FABP6: variants seen among roughly 807,000 people sequenced by gnomAD.
FABP6 encodes fatty acid binding protein 6.
A neutral mutation model predicts 14.9 loss-of-function variants in FABP6; 13 were observed. The observed-to-expected ratio is 0.87, with a 90% confidence interval of 0.57 to 1.39. The LOEUF (loss-of-function observed/expected upper bound fraction) is 1.39, where lower values mean the gene tolerates loss of function less well. Ranked by LOEUF, FABP6 falls within the 40% of genes most tolerant of loss-of-function variation. FABP6 has a pLI of 0.00. For synonymous variants in FABP6, 75 were observed against 63.6 expected (o/e 1.18, Z -0.85); for missense variants, 161 against 167.2 (o/e 0.96, Z 0.20).
chr5:160,204,292 G>A (rs1175302650), intron 2 of FABP6, among the ~76,000 whole-genome samples: 1 of 151,490 alleles, frequency 6.6e-6, no homozygotes, highest in African/African-American at 2.4e-5. Context: ...ACTCCAGCCT[G>A]GGCAATAGAG....
chr5:160,193,812 T>C (rs1030737541), intron 1 of FABP6, among the ~76,000 whole-genome samples: 1 of 152,184 alleles, frequency 6.6e-6, no homozygotes, highest in African/African-American at 2.4e-5. Flanking sequence ...CCCACCAGAC[T>C]CAGGAGCCCA....
rs558876423 is a variant in FABP6 at position 160,189,804 on chromosome 5, G to A, written c.-59+2350G>A. Among the ~76,000 whole-genome samples, 40 of 152,254 alleles carry A rather than the reference G, an allele frequency of 2.6e-4. 1 individual carries two copies. In the South Asian group the frequency reaches 6.6e-3, roughly 25 times the overall value. On this transcript the variant is annotated intron_variant, in intron 1 of 6. Transcript: ENST00000393980. ...AAGTGAGAATACAGATGAAGCTATC[G>A]CATAAAGGATATTATTCTTTGGGAA... is the stretch of plus-strand genomic sequence containing the variant.
rs550216693 is a variant in FABP6, at chr5:160,232,132, C to A, written c.102C>A (p.Asn34Lys). Reference protein sequence around the residue: ...ISSDVIEKARNFKIVTEVQQD... With the variant: ...ISSDVIEKARKFKIVTEVQQD... ...GCGATGTAATCGAAAAGGCCCGCAA[C>A]TTCAAGATCGTCACGGAGGTGCAGC... is the stretch of plus-strand genomic sequence containing the variant. Residue 34 changes from asparagine (N) to lysine (K), a missense_variant, in exon 2 of 4, where the codon AAC (asparagine) becomes AAA (lysine). By Grantham distance (94) the Asn-to-Lys change is moderately conservative. Coordinates refer to ENST00000402432, the MANE Select transcript of FABP6 (RefSeq NM_001445.3). 4 of 1,614,106 alleles carry A rather than the reference C, an allele frequency of 2.5e-6. No individual in the cohort carries two copies. The South Asian group carries it at 3.3e-5, about 13-fold the overall frequency.
intron 3 of FABP6, among the ~76,000 whole-genome samples, chr5:160,220,177 A>G (rs1424921809): frequency 6.6e-6 from 1 of 152,226 alleles, no homozygotes; most frequent in Non-Finnish European, 1.5e-5. Context: ...AGGCTGGACG[A>G]ATTGCCAGTG....
intron 2 of FABP6, among the ~76,000 whole-genome samples, chr5:160,209,739 G>A (rs1386924817): frequency 2.0e-5 from 3 of 151,828 alleles, no homozygotes; most frequent in African/African-American, 4.8e-5. Context: ...TTTTAGAGAC[G>A]GGGGTCTCAC....
At chr5:160,217,483 C>G (rs530262181) in intron 3 of FABP6, among the ~76,000 whole-genome samples, 1 of 152,154 alleles carries the variant, frequency 6.6e-6, no homozygotes, top group Non-Finnish European at 1.5e-5. Flanking sequence ...TTGGACAGAG[C>G]ATCGTGGAAG....
At chr5:160,217,642 T>C (rs2113114961) in intron 3 of FABP6, among the ~76,000 whole-genome samples, 1 of 152,048 alleles carries the variant, frequency 6.6e-6, no homozygotes, top group African/African-American at 2.4e-5. Context: ...TATTTTATTA[T>C]TATTATTATT....
At chr5:160,234,966 A>G in intron 3 of FABP6, 57 bp downstream of exon 3, 1 of 1,515,668 alleles carries the variant, frequency 6.6e-7, no homozygotes, top group East Asian at 2.3e-5. Context: ...CCTCTTGGCC[A>G]CAGCCCCTCA....
At chr5:160,198,892 G>T in intron 1 of FABP6, 2 of 570,406 alleles carry the variant, frequency 3.5e-6, no homozygotes, top group Non-Finnish European at 6.2e-6. Flanking sequence ...TTAATTCCTG[G>T]AGGGCAGGGA....
intron 1 of FABP6, among the ~76,000 whole-genome samples, chr5:160,189,052 A>G (rs1400182007): frequency 1.3e-5 from 2 of 151,672 alleles, no homozygotes; most frequent in Non-Finnish European, 2.9e-5. Flanking sequence ...TTTTCCTATA[A>G]AGGGTCAGAG....
Position 160,222,785 on chromosome 5 carries a change from T to G in FABP6, c.136-6761T>G, listed in dbSNP as rs530912907. Reference sequence around the variant, plus strand: ...GGAAAGTACCAAAGATGTTTGAAACTCTGAGTCCCAGTTAAGCTGGGTGTA... The same window carrying G: ...GGAAAGTACCAAAGATGTTTGAAACGCTGAGTCCCAGTTAAGCTGGGTGTA... On this transcript the variant is annotated intron_variant, in intron 3 of 6. Coordinates refer to the FABP6 transcript ENST00000393980. Among the ~76,000 whole-genome samples the G allele has an allele frequency of 2.6e-5, 4 of 152,352 alleles. No homozygotes were observed. In the South Asian group the frequency reaches 8.3e-4, roughly 32 times the overall value.
chr5:160,203,306 A>AG (rs1390626138), intron 2 of FABP6, among the ~76,000 whole-genome samples: 2 of 152,178 alleles, frequency 1.3e-5, no homozygotes, highest in Non-Finnish European at 2.9e-5. Flanking sequence ...GTTAAAGCAG[A>AG]GGGGACCTCC....
chr5:160,197,135 C>T (rs933010874), intron 1 of FABP6: 4 of 152,282 alleles, frequency 2.6e-5, no homozygotes, highest in Admixed American at 2.0e-4. Flanking sequence ...CTGTGCAGCC[C>T]TCCACAGGGG....
chr5:160,203,247 C>G (rs72810197), intron 2 of FABP6, among the ~76,000 whole-genome samples: 26,756 of 152,052 alleles, frequency 0.18, 2,409 homozygotes, highest in Middle Eastern at 0.19. Context: ...AAAGCAGAAA[C>G]GGGGAACAAA....
chr5:160,214,216 T>A (rs1396318050), intron 3 of FABP6, among the ~76,000 whole-genome samples: 1 of 151,782 alleles, frequency 6.6e-6, no homozygotes, highest in African/African-American at 2.4e-5. Context: ...CAGGCTGAAG[T>A]GCAGTGATGT....
intron 1 of FABP6, chr5:160,197,942 G>GTGTGTGTGTA (rs1759546139): frequency 6.8e-6 from 1 of 146,734 alleles, no homozygotes; most frequent in Admixed American, 6.9e-5. Flanking sequence ...GTGTGTGTGT[G>GTGTGTGTGTA]TGTGTGTGTG....
intron 2 of FABP6, among the ~76,000 whole-genome samples, chr5:160,208,293 T>G (rs1759811327): frequency 6.6e-6 from 1 of 151,618 alleles, no homozygotes; most frequent in South Asian, 2.1e-4. Context: ...AAAAAATTAG[T>G]CAGGTGAGGT....
At chr5:160,216,936 G>C (rs758485327) in intron 3 of FABP6, among the ~76,000 whole-genome samples, 14 of 152,154 alleles carry the variant, frequency 9.2e-5, no homozygotes, top group Non-Finnish European at 1.3e-4. Context: ...GTTCCTTTTA[G>C]TTAGTGGACA....
At chr5:160,235,993 G>A (rs1001419698) in intron 3 of FABP6, among the ~76,000 whole-genome samples, 1 of 151,492 alleles carries the variant, frequency 6.6e-6, no homozygotes, top group Non-Finnish European at 1.5e-5. Flanking sequence ...ACATGGCAGG[G>A]AGACGTCATC....
Sources: gnomAD v4.1 joint callset for allele counts (sites outside exome capture counted in the v4.1 genomes callset) on GRCh38, gnomAD v4.1.1 for gene constraint, MANE v1.5 for transcripts, NCBI Gene and HGNC (gene_info 2026-07-23, HGNC 2026-07-21) for gene names.